The following RASGRF1 variants were observed in gnomAD, a reference collection of about 807,000 sequenced individuals.
RASGRF1 encodes the protein Ras protein specific guanine nucleotide releasing factor 1.
A neutral mutation model predicts 138.7 loss-of-function variants in RASGRF1; 40 were observed. The ratio of observed to expected loss-of-function variants is 0.29; its 90% confidence interval spans 0.22 to 0.38. RASGRF1 has a LOEUF of 0.38. Among genes scored for constraint, RASGRF1 ranks in the 10% least tolerant of loss-of-function variants. The pLI, the probability that RASGRF1 is intolerant of heterozygous loss-of-function variation, is 1.00. For synonymous variants in RASGRF1, 614 were observed against 663.2 expected (o/e 0.93, Z 1.14); for missense variants, 1,108 against 1,650.4 (o/e 0.67, Z 5.69).
Position 79,052,768 on chromosome 15 carries a change from G to A in RASGRF1, c.532-3180C>T, listed in dbSNP as rs77277610. 5.3e-5 allele frequency among the ~76,000 whole-genome samples: 8 copies of A among 152,284 alleles called. No individual in the cohort carries two copies. In the East Asian group the frequency reaches 1.5e-3, roughly 29 times the overall value. On this transcript the variant is annotated intron_variant, in intron 3 of 26. Coordinates refer to ENST00000558480, the MANE Select transcript of RASGRF1 (RefSeq NM_001145648.3). ...AAGGAATGATATGAACAAAGGCATG[G>A]GTGTGATAGAGTGTTGTGTGCCAGG...
At position 79,088,321 on chromosome 15, in the gene RASGRF1, G is replaced by A. The variant is rs141853123; in HGVS notation, c.276+1902C>T. On this transcript the variant is annotated intron_variant, in intron 1 of 26. Coordinates refer to ENST00000558480, the MANE Select transcript of RASGRF1 (RefSeq NM_001145648.3). ...TATAATTCAGATTCAACTGTGATTC[G>A]TCTAGATCTAACTAAAATGTATTGG... 3.6e-3 allele frequency among the ~76,000 whole-genome samples: 543 copies of A among 152,210 alleles called. 5 individuals are homozygous for A. Among genetic ancestry groups the A allele is most frequent in the African/African-American group, 0.013 (522 of 41,504 alleles).
chr15:79,014,746 T>C (rs573084030), intron 13 of RASGRF1, among the ~76,000 whole-genome samples: 51 of 151,836 alleles, frequency 3.4e-4, no homozygotes, highest in African/African-American at 1.2e-3. Context: ...TGAAACCCTG[T>C]CTCTACTAAA....
At chr15:79,089,399 C>T (rs2058022441) in intron 1 of RASGRF1, among the ~76,000 whole-genome samples, 1 of 152,244 alleles carries the variant, frequency 6.6e-6, no homozygotes, top group South Asian at 2.1e-4. Flanking sequence ...TCACCCCCAC[C>T]CCGCCCGGGC....
rs188979337 is a variant in RASGRF1, at chr15:78,977,510, A to C, written c.3494+3110T>G. 1.6e-4 allele frequency among the ~76,000 whole-genome samples: 24 copies of C among 152,328 alleles called. No homozygotes were observed. In the East Asian group the frequency reaches 3.1e-3, roughly 20 times the overall value. ...GCTGCTCTGTGGTCACAGGCAGAGA[A>C]TAAAGATAGAGATAGATACTTGGCT... is the stretch of plus-strand genomic sequence containing the variant. On this transcript the variant is annotated intron_variant, in intron 24 of 26. Coordinates refer to ENST00000558480, the MANE Select transcript of RASGRF1 (RefSeq NM_001145648.3).
chr15:79,035,318 T>C, intron 5 of RASGRF1, 108 bp from the exon 6 acceptor site: 3 of 824,684 alleles, frequency 3.6e-6, no homozygotes, highest in Non-Finnish European at 3.8e-6. Flanking sequence ...CCTTTTCTCA[T>C]GTGAGACCTT....
At position 79,006,116 on chromosome 15, in the gene RASGRF1, G is replaced by A. The variant is rs538704788; in HGVS notation, c.2075+70C>T. On this transcript the variant is annotated intron_variant, in intron 14 of 26. Coordinates refer to ENST00000558480, the MANE Select transcript of RASGRF1 (RefSeq NM_001145648.3). The surrounding 1 kb of genome is among the most constrained non-coding windows in gnomAD (Gnocchi z 4.0). ...ACCTTCCAGGTCACCCCCCGGCCCC[G>A]TGCAAGCTCAGTTTTCCTCCAAGGC... 2.0e-5 allele frequency: 32 copies of A among 1,599,058 alleles called. No individual in the cohort carries two copies. Among genetic ancestry groups the A allele is most frequent in the Admixed American group, 6.7e-5 (4 of 59,648 alleles).
Position 78,965,221 on chromosome 15 carries a change from C to A in RASGRF1, c.3682-2985G>T, listed in dbSNP as rs375494471. On this transcript the variant is annotated intron_variant, in intron 26 of 26. Transcript: ENST00000558480. ...CATTTTACTTAAAAAAAGGTACATA[C>A]AGTACAACTCACTCTTTTTGGTGAG... 7.2e-5 allele frequency among the ~76,000 whole-genome samples: 11 copies of A among 152,256 alleles called. No homozygotes were observed. In the East Asian group the frequency reaches 1.5e-3, roughly 21 times the overall value.
rs71148586 is a variant in RASGRF1, at chr15:79,033,581, C to CTTT, written c.959-1268_959-1266dup. Among the ~76,000 whole-genome samples, 776 of 93,900 alleles carry CTTT rather than the reference C, an allele frequency of 8.3e-3. 19 individuals carry two copies. The highest frequency in any genetic ancestry group is 0.015 in the African/African-American group (344 of 22,822). 61.6% of individuals were successfully genotyped at this position (93,900 alleles called of 152,430 possible). A position where few individuals can be genotyped will look rare whatever the true frequency, so the allele number is the denominator to read the frequency against. On this transcript the variant is annotated intron_variant, in intron 6 of 26. Transcript: ENST00000558480. ...ACATCTTCTTCTTCTTTTTTCTTTT[C>CTTT]TTTTTTTTTTTTTTTTTTTTTGAGA...
Position 79,031,452 on chromosome 15 carries a change from C to T in RASGRF1, c.1210G>A (p.Val404Ile), listed in dbSNP as rs372905205. The T allele has an allele frequency of 2.5e-5, 40 of 1,613,352 alleles. No homozygotes were observed. Among genetic ancestry groups the T allele is most frequent in the Middle Eastern group, 1.6e-4 (1 of 6,080 alleles). ...ELLAHTPHEHVERNSLDYAKS... is the reference protein window; with the variant it reads ...ELLAHTPHEHIERNSLDYAKS... ...GCGTAGTCCAGGCTGTTGCGCTCAACGTGCTCATGAGGCGTGTGGGCCAGG... is the reference window on the plus strand; with the variant it reads ...GCGTAGTCCAGGCTGTTGCGCTCAATGTGCTCATGAGGCGTGTGGGCCAGG... Residue 404 changes from valine to isoleucine, a missense_variant, in exon 8 of 27, where the codon GTT becomes ATT. Physicochemically the swap from Val to Ile is conservative, Grantham distance 29. This residue lies in a region of RASGRF1 where 169 missense variants were observed against 344.2 expected (regional missense o/e 0.49). Coordinates refer to ENST00000558480, the MANE Select transcript of RASGRF1 (RefSeq NM_001145648.3).
intron 14 of RASGRF1, among the ~76,000 whole-genome samples, chr15:79,005,825 C>T (rs1313733840): frequency 6.9e-6 from 1 of 145,378 alleles, no homozygotes; most frequent in Non-Finnish European, 1.5e-5. Flanking sequence ...CTCCTCATTT[C>T]CTTTCTCTTT....
At chr15:79,055,402 C>G (rs2057497613) in intron 3 of RASGRF1, among the ~76,000 whole-genome samples, 1 of 151,310 alleles carries the variant, frequency 6.6e-6, no homozygotes, top group Non-Finnish European at 1.5e-5. Flanking sequence ...GAGAGAGAAA[C>G]AGAGAGAGAG....
At chr15:79,043,693 G>A (rs2057324452) in intron 5 of RASGRF1, among the ~76,000 whole-genome samples, 1 of 152,204 alleles carries the variant, frequency 6.6e-6, no homozygotes, top group South Asian at 2.1e-4. Context: ...GTGGCTACCT[G>A]GGGAGATGGG....
Position 79,006,502 on chromosome 15 carries a change from T to TG in RASGRF1, c.1827-69dup, listed in dbSNP as rs1351502618. The TG allele has an allele frequency of 4.0e-6, 6 of 1,518,258 alleles. No homozygotes were observed. In the African/African-American group the frequency reaches 8.2e-5, roughly 21 times the overall value. 94.0% of individuals were successfully genotyped at this position (1,518,258 alleles called of 1,614,324 possible). The stretch of plus-strand genomic sequence containing the variant: ...GCATCTGAATGGCACCCACCAGGCC[T>TG]GCTCATCACTGCTTCCCCCACACAC... On this transcript the variant is annotated intron_variant, in intron 13 of 26. Coordinates refer to ENST00000558480, the MANE Select transcript of RASGRF1 (RefSeq NM_001145648.3). The surrounding 1 kb of genome is among the most constrained non-coding windows in gnomAD (Gnocchi z 4.0).
intron 1 of RASGRF1, among the ~76,000 whole-genome samples, chr15:79,082,225 G>A (rs998278560): frequency 4.6e-5 from 7 of 152,182 alleles, no homozygotes; most frequent in Admixed American, 6.5e-5. Flanking sequence ...CCTTTCTGGC[G>A]CTCTGTGTCC....
intron 1 of RASGRF1, among the ~76,000 whole-genome samples, chr15:79,083,905 G>A (rs561525614): frequency 2.4e-4 from 36 of 152,284 alleles, no homozygotes; most frequent in Non-Finnish European, 2.9e-4. Flanking sequence ...TCAATAAATG[G>A]TATTTATTGT....
At chr15:78,969,801 G>A (rs1025614564) in intron 26 of RASGRF1, among the ~76,000 whole-genome samples, 6 of 151,814 alleles carry the variant, frequency 4.0e-5, no homozygotes, top group Non-Finnish European at 5.9e-5. Context: ...TATATTTTTT[G>A]CCTCTTAGTC....
At chr15:78,995,390 G>A (rs1322962846) in intron 20 of RASGRF1, among the ~76,000 whole-genome samples, 1 of 130,186 alleles carries the variant, frequency 7.7e-6, no homozygotes, top group Non-Finnish European at 1.7e-5. Flanking sequence ...CTGGGTTTAA[G>A]TGATTCTCCC....
At chr15:79,083,985 C>T (rs917623936) in intron 1 of RASGRF1, among the ~76,000 whole-genome samples, 10 of 137,206 alleles carry the variant, frequency 7.3e-5, no homozygotes, top group Non-Finnish European at 1.6e-4. Flanking sequence ...AATCTGCATT[C>T]ATAGCATGGC....
chr15:79,087,336 C>G (rs763633151), intron 1 of RASGRF1, among the ~76,000 whole-genome samples: 1 of 152,248 alleles, frequency 6.6e-6, no homozygotes, highest in African/African-American at 2.4e-5. Flanking sequence ...TGTGCATTTC[C>G]TGTGCATCTA....
Sources: allele counts gnomAD v4.1 joint callset (sites outside exome capture counted in the v4.1 genomes callset), GRCh38; gene constraint gnomAD v4.1.1; regional missense constraint gnomAD v4.1.1; non-coding constraint Gnocchi (gnomAD v3.1); transcripts MANE v1.5; gene names NCBI Gene and HGNC (gene_info 2026-07-23, HGNC 2026-07-21).